The following ASXL2 variants were observed in gnomAD, a reference collection of about 807,000 sequenced individuals.
The protein encoded by ASXL2 is ASXL transcriptional regulator 2, also known as putative Polycomb group protein ASXL2.
A neutral mutation model predicts 122.0 loss-of-function variants in ASXL2; 23 were observed. The observed-to-expected ratio is 0.19, with a 90% CI of 0.14 to 0.27. The LOEUF (loss-of-function observed/expected upper bound fraction) is 0.27, where lower values mean the gene tolerates loss of function less well. Ranked by LOEUF, ASXL2 falls within the 10% of genes least tolerant of loss-of-function variation. ASXL2 has a pLI of 1.00. For synonymous variants in ASXL2, 650 were observed against 637.0 expected, an observed-to-expected ratio of 1.02 and a Z score of -0.31; for missense variants, 1,518 against 1,713.8, an observed-to-expected ratio of 0.89 and a Z score of 2.02.
chr2:25,834,971 G>A (rs1001270583), intron 3 of ASXL2, among the ~76,000 whole-genome samples: 6 of 151,780 alleles, frequency 4.0e-5, no homozygotes, highest in East Asian at 1.9e-4. Flanking sequence ...TACGGGCGCC[G>A]GCCACCACAC....
In ASXL2 at chr2:25,799,461, C is replaced by A; in HGVS notation, c.327G>T (p.Gln109His). Residue 109 changes from glutamine (Q) to histidine (H), a missense_variant, in exon 5 of 13, where the codon CAG becomes CAT. Around this residue, in one of 8 missense-constraint regions of ASXL2, gnomAD observed 198 missense variants for 209.0 expected, o/e 0.95. Coordinates refer to ENST00000435504, the MANE Select transcript of ASXL2 (RefSeq NM_018263.6). ...TGCTGCTGCTGCTGTTCTCAGAACT[C>A]TGGGAATCTGACTGACCATCACTGC... is the stretch of plus-strand genomic sequence containing the variant. ...EESSDGQSDS[Q>H]SSENSSSSSD... 2 of 1,613,954 alleles carry A rather than the reference C, an allele frequency of 1.2e-6. No homozygotes were observed. The highest frequency in any genetic ancestry group is 2.2e-5 in the South Asian group (2 of 91,076).
chr2:25,752,071 C>A (rs568472123), intron 11 of ASXL2, among the ~76,000 whole-genome samples: 7 of 152,054 alleles, frequency 4.6e-5, no homozygotes, highest in African/African-American at 1.7e-4. Flanking sequence ...CGCAACTGGC[C>A]GCAGTTTATG....
intron 3 of ASXL2, among the ~76,000 whole-genome samples, chr2:25,815,822 C>T (rs1037034462): frequency 2.0e-5 from 3 of 152,158 alleles, no homozygotes; most frequent in Non-Finnish European, 2.9e-5. Context: ...AGCCAGTTTA[C>T]ATCGTGTTTC....
Position 25,845,516 on chromosome 2 carries a change from A to G in ASXL2, c.105T>C (p.Leu35=). ...PNTPMSHKEI[L]QVIQREGLKE... is the part of the protein sequence containing the mutation. The stretch of plus-strand genomic sequence containing the variant: ...TTAGTCCTTCTCTCTGGATAACTTG[A>G]AGAATTTCTTTATGACTCATGGGTG... Residue 35 remains leucine, a synonymous_variant, in exon 2 of 13, where the codon CTT becomes CTC. Coordinates refer to ENST00000435504, the MANE Select transcript of ASXL2 (RefSeq NM_018263.6). The G allele has an allele frequency of 2.0e-6, 3 of 1,510,032 alleles. No individual in the cohort carries two copies. The highest frequency in any genetic ancestry group is 2.7e-6 in the Non-Finnish European group (3 of 1,125,086). 93.5% of individuals were successfully genotyped at this position (1,510,032 alleles called of 1,614,324 possible).
chr2:25,770,241 C>T (rs187734276), intron 6 of ASXL2, among the ~76,000 whole-genome samples: 80 of 152,092 alleles, frequency 5.3e-4, no homozygotes, highest in African/African-American at 1.7e-3. Context: ...CGGGGTCTTG[C>T]TCTGTTGCCC....
At chr2:25,847,468 T>G (rs1163373510) in intron 1 of ASXL2, among the ~76,000 whole-genome samples, 1 of 152,150 alleles carries the variant, frequency 6.6e-6, no homozygotes, top group African/African-American at 2.4e-5. Flanking sequence ...ACACCAAGCT[T>G]TCACCACTCA....
intron 2 of ASXL2, among the ~76,000 whole-genome samples, chr2:25,844,583 A>C (rs1021011543): frequency 1.4e-4 from 22 of 151,996 alleles, no homozygotes; most frequent in Middle Eastern, 3.4e-3. Flanking sequence ...CTCAAAAAAA[A>C]AAACAAACAA....
intron 5 of ASXL2, among the ~76,000 whole-genome samples, chr2:25,794,789 A>C (rs1217893138): frequency 6.6e-6 from 1 of 152,204 alleles, no homozygotes; most frequent in East Asian, 1.9e-4. Flanking sequence ...TTTGAAATAA[A>C]GTGATGTCAG....
chr2:25,752,002 G>C (rs936904153), intron 11 of ASXL2, among the ~76,000 whole-genome samples: 1 of 152,070 alleles, frequency 6.6e-6, no homozygotes, highest in African/African-American at 2.4e-5. Context: ...GAATTCCTGG[G>C]CTCAAGTGAT....
At chr2:25,805,291 G>A (rs914636979) in intron 4 of ASXL2, among the ~76,000 whole-genome samples, 1 of 152,164 alleles carries the variant, frequency 6.6e-6, no homozygotes, top group South Asian at 2.1e-4. Context: ...TAGGCAGAAT[G>A]CTCCAAAGAA....
chr2:25,863,458 C>T (rs1000127502), intron 1 of ASXL2, among the ~76,000 whole-genome samples: 15 of 151,726 alleles, frequency 9.9e-5, no homozygotes, highest in East Asian at 3.9e-4. Flanking sequence ...TTTGGGAGGC[C>T]GAGGCGGGTA....
chr2:25,876,364 G>T (rs1433771492), intron 1 of ASXL2, among the ~76,000 whole-genome samples: 1 of 151,968 alleles, frequency 6.6e-6, no homozygotes, highest in Non-Finnish European at 1.5e-5. Context: ...TTTATCAAAG[G>T]GATCATAATT....
At chr2:25,869,757 A>G (rs1184750236) in intron 1 of ASXL2, among the ~76,000 whole-genome samples, 3 of 151,846 alleles carry the variant, frequency 2.0e-5, no homozygotes, top group Admixed American at 2.0e-4. Context: ...TGGAGGCTGC[A>G]GTGAGCCAAG....
chr2:25,845,456 T>A (rs1045319125), intron 2 of ASXL2, 25 bp downstream of exon 2: 1 of 1,383,940 alleles, frequency 7.2e-7, no homozygotes, highest in Non-Finnish European at 9.7e-7. Flanking sequence ...TTATAATTAT[T>A]ACTAAAAATA....
At position 25,781,959 on chromosome 2, in the gene ASXL2, C is replaced by CATTTT. The variant is rs2088646982; in HGVS notation, c.404-10420_404-10419insAAAAT. On this transcript the variant is annotated intron_variant, in intron 5 of 12. Transcript: ENST00000435504. ...TAACAGGCGTGAGCCACCGCCCGGG[C>CATTTT]TTTTTTCTTTTTTTTTTTTTTTTTT... Among the ~76,000 whole-genome samples, 2 of 88,400 alleles carry CATTTT rather than the reference C, an allele frequency of 2.3e-5. 1 individual carries two copies. Among genetic ancestry groups the CATTTT allele is most frequent in the Non-Finnish European group, 4.7e-5 (2 of 42,690 alleles). The allele number at this position is 88,400 out of a possible 152,430, so 58.0% of individuals were successfully genotyped here.
intron 1 of ASXL2, among the ~76,000 whole-genome samples, chr2:25,859,509 A>G (rs141290936): frequency 2.1e-4 from 32 of 152,332 alleles, no homozygotes; most frequent in African/African-American, 7.7e-4. Context: ...ACAAGTAACC[A>G]TATTTCCAAT....
At chr2:25,781,790 T>C (rs887745551) in intron 5 of ASXL2, among the ~76,000 whole-genome samples, 2 of 150,980 alleles carry the variant, frequency 1.3e-5, no homozygotes, top group African/African-American at 4.9e-5. Context: ...TGCTTCAGCC[T>C]CCCGAGCAGC....
At chr2:25,772,287 TA>T (rs1004810754) in intron 5 of ASXL2, among the ~76,000 whole-genome samples, 9 of 151,634 alleles carry the variant, frequency 5.9e-5, no homozygotes, top group East Asian at 1.9e-4. Flanking sequence ...GTACCCTTAT[TA>T]AAAAAAAATT....
At chr2:25,748,111 G>C (rs1355658858) in intron 12 of ASXL2, among the ~76,000 whole-genome samples, 1 of 152,152 alleles carries the variant, frequency 6.6e-6, no homozygotes, top group African/African-American at 2.4e-5. Flanking sequence ...CCGGGAGGTG[G>C]AGGCTGCAGT....
Sources: gnomAD v4.1 joint callset for allele counts (sites outside exome capture counted in the v4.1 genomes callset) on GRCh38, gnomAD v4.1.1 for gene constraint, gnomAD v4.1.1 regional missense constraint, MANE v1.5 for transcripts, NCBI Gene and HGNC (gene_info 2026-07-23, HGNC 2026-07-21) for gene names.